BNIP2: variants seen among roughly 807,000 people sequenced by gnomAD.
The protein encoded by BNIP2 is BCL2 interacting protein 2, also known as BCL2/adenovirus E1B 19 kDa protein-interacting protein 2.
A neutral mutation model predicts 43.4 loss-of-function variants in BNIP2; 36 were observed. That is an observed-to-expected ratio of 0.83 (90% CI 0.64 to 1.10). BNIP2 has a LOEUF of 1.10. Ranked by LOEUF, BNIP2 falls within the 50% of genes least tolerant of loss-of-function variation. The pLI, the probability that BNIP2 is intolerant of heterozygous loss-of-function variation, is 0.00. For synonymous variants in BNIP2, 146 were observed against 121.0 expected (o/e 1.21, Z -1.35); for missense variants, 417 against 374.1 (o/e 1.11, Z -0.95).
At chr15:59,676,667 T>A in intron 5 of BNIP2, 1 of 603,850 alleles carries the variant, frequency 1.7e-6, no homozygotes. Context: ...CTAAAAGTAT[T>A]TAGAATTCTG....
intron 9 of BNIP2, among the ~76,000 whole-genome samples, chr15:59,664,927 T>C (rs534581568): frequency 6.6e-6 from 1 of 152,182 alleles, no homozygotes; most frequent in South Asian, 2.1e-4. Flanking sequence ...GGTACACAGT[T>C]TGTGAATGCC....
intron 7 of BNIP2, among the ~76,000 whole-genome samples, chr15:59,669,580 C>T (rs1483824792): frequency 6.6e-6 from 1 of 152,210 alleles, no homozygotes; most frequent in Admixed American, 6.5e-5. Context: ...AGATTTACGT[C>T]CACAGTATAG....
At chr15:59,684,295 A>G (rs892383320) in intron 1 of BNIP2, among the ~76,000 whole-genome samples, 2 of 152,246 alleles carry the variant, frequency 1.3e-5, no homozygotes, top group Non-Finnish European at 2.9e-5. Flanking sequence ...TATTTGCTTG[A>G]AAAAGTCATT....
rs373080895 is a variant in BNIP2, at chr15:59,669,329, T to C, written c.741A>G (p.Val247=). Residue 247 remains valine, a synonymous_variant, in exon 8 of 10, where the codon GTA becomes GTG. Transcript: ENST00000607373. The stretch of plus-strand genomic sequence containing the variant: ...GTGTTCTGATAAACCAAGAAGGATG[T>C]ACAATGATTAGGGATTTTAGATTTT... ...LRKNLKSLII[V]HPSWFIRTLL... is the part of the protein sequence containing the mutation. The C allele has an allele frequency of 7.1e-6, 11 of 1,545,684 alleles. No homozygotes were observed. The highest frequency in any genetic ancestry group is 9.5e-6 in the Non-Finnish European group (11 of 1,152,644).
chr15:59,676,076 TG>T (rs563278180), intron 5 of BNIP2, among the ~76,000 whole-genome samples: 1 of 152,230 alleles, frequency 6.6e-6, no homozygotes, highest in Non-Finnish European at 1.5e-5. Flanking sequence ...CAAAACTCAT[TG>T]AACTGCACAC....
At chr15:59,687,416 A>G (rs1404339853) in intron 1 of BNIP2, among the ~76,000 whole-genome samples, 1 of 149,784 alleles carries the variant, frequency 6.7e-6, no homozygotes, top group Non-Finnish European at 1.5e-5. Context: ...CAGTGCTGCA[A>G]TCTCGGCTCG....
In BNIP2 at chr15:59,688,959, C is replaced by T. The variant is rs1422575866; in HGVS notation, c.-58+176G>A. The T allele has an allele frequency of 4.2e-6, 6 of 1,441,822 alleles. No individual in the cohort carries two copies. The Admixed American group carries it at 1.7e-4, about 41-fold the overall frequency. The allele number at this position is 1,441,822 out of a possible 1,614,324, so 89.3% of individuals were successfully genotyped here. A position where few individuals can be genotyped will look rare whatever the true frequency, so the allele number is the denominator to read the frequency against. ...GCCAAGGGCGGGGACCTAAGCAGGGCGGGGATCCAGGAAGCACCTCCCGAG... is the reference window on the plus strand; with the variant it reads ...GCCAAGGGCGGGGACCTAAGCAGGGTGGGGATCCAGGAAGCACCTCCCGAG... On this transcript the variant is annotated intron_variant, in intron 1 of 9. Transcript: ENST00000607373.
At chr15:59,682,947 C>T (rs1472198307) in intron 1 of BNIP2, among the ~76,000 whole-genome samples, 1 of 152,158 alleles carries the variant, frequency 6.6e-6, no homozygotes, top group African/African-American at 2.4e-5. Context: ...TATTTAAACT[C>T]ATGATTCAGC....
At chr15:59,666,015 C>T (rs2141986712) in intron 9 of BNIP2, among the ~76,000 whole-genome samples, 1 of 152,286 alleles carries the variant, frequency 6.6e-6, no homozygotes, top group African/African-American at 2.4e-5. Flanking sequence ...ATCAAATCCT[C>T]TTAACATCTG....
intron 9 of BNIP2, chr15:59,668,688 G>A (rs1892708242): frequency 2.0e-6 from 1 of 489,170 alleles, no homozygotes; most frequent in South Asian, 3.6e-5. Flanking sequence ...TTCTTCAACT[G>A]ACAGCCTGAA....
intron 1 of BNIP2, among the ~76,000 whole-genome samples, chr15:59,685,713 T>C (rs1352334103): frequency 4.6e-5 from 7 of 152,208 alleles, no homozygotes; most frequent in Non-Finnish European, 1.5e-5. Context: ...GAGATATAGA[T>C]AGATTTACTC....
At chr15:59,668,148 G>T (rs1213505353) in intron 9 of BNIP2, 21 of 1,257,714 alleles carry the variant, frequency 1.7e-5, no homozygotes, top group Non-Finnish European at 2.1e-5. Flanking sequence ...CCTTTGTAGG[G>T]AAGAGTTATT....
At chr15:59,682,380 ATTG>A (rs1211188642) in intron 2 of BNIP2, 25 bp downstream of exon 2, 1 of 1,570,312 alleles carries the variant, frequency 6.4e-7, no homozygotes, top group Admixed American at 2.0e-5. Flanking sequence ...TTGCTCTAAA[ATTG>A]TTTTCTTTTA....
At chr15:59,681,223 C>T (rs1432089204) in intron 2 of BNIP2, among the ~76,000 whole-genome samples, 1 of 152,166 alleles carries the variant, frequency 6.6e-6, no homozygotes, top group Non-Finnish European at 1.5e-5. Context: ...TATCCAACTG[C>T]TAAGGCACCT....
At chr15:59,678,503 ATAAAT>A in intron 4 of BNIP2, 1 of 1,071,138 alleles carries the variant, frequency 9.3e-7, no homozygotes, top group Non-Finnish European at 1.1e-6. Flanking sequence ...TGTTGAGCAC[ATAAAT>A]TAACTGTAAT....
chr15:59,677,178 A>T (rs1893357539), intron 5 of BNIP2: 3 of 1,594,844 alleles, frequency 1.9e-6, no homozygotes, highest in Non-Finnish European at 2.6e-6. Context: ...CATCTTATTG[A>T]AGGATCCAGT....
chr15:59,670,335 G>A (rs372745496), intron 7 of BNIP2, among the ~76,000 whole-genome samples: 1 of 152,162 alleles, frequency 6.6e-6, no homozygotes, highest in African/African-American at 2.4e-5. Flanking sequence ...GGAGGCTGAG[G>A]TGGCAGAATA....
chr15:59,686,503 C>T (rs1334628277), intron 1 of BNIP2, among the ~76,000 whole-genome samples: 2 of 152,124 alleles, frequency 1.3e-5, no homozygotes, highest in East Asian at 1.9e-4. Context: ...ACCGTTTATG[C>T]GGAAATCAAT....
At chr15:59,680,770 G>C (rs968703298) in intron 2 of BNIP2, among the ~76,000 whole-genome samples, 2 of 152,116 alleles carry the variant, frequency 1.3e-5, no homozygotes, top group African/African-American at 4.8e-5. Flanking sequence ...AACATGCCCA[G>C]CTAATTTTAA....
Sources: allele counts gnomAD v4.1 joint callset (sites outside exome capture counted in the v4.1 genomes callset), GRCh38; gene constraint gnomAD v4.1.1; transcripts MANE v1.5; gene names NCBI Gene and HGNC (gene_info 2026-07-23, HGNC 2026-07-21).